TMEM232: variants seen among roughly 807,000 people sequenced by gnomAD.
TMEM232 encodes the protein transmembrane protein 232.
Under a neutral mutation model 78.8 loss-of-function variants are expected in TMEM232, and 80 were observed. The observed-to-expected ratio is 1.01, with a 90% CI of 0.85 to 1.22. The LOEUF (loss-of-function observed/expected upper bound fraction) is 1.22, where lower values mean the gene tolerates loss of function less well. Among genes scored for constraint, TMEM232 ranks in the 50% most tolerant of loss-of-function variants. TMEM232 has a pLI of 0.00. For missense variants in TMEM232, 881 were observed against 742.2 expected, an observed-to-expected ratio of 1.19 and a Z score of -2.17; for synonymous variants, 297 against 254.3, an observed-to-expected ratio of 1.17 and a Z score of -1.60.
Position 110,638,189 on chromosome 5 carries a change from A to T in TMEM232, c.501+9T>A. 1 of 1,532,142 alleles carries T rather than the reference A, an allele frequency of 6.5e-7. No homozygotes were observed. The highest frequency in any genetic ancestry group is 1.3e-5 in the South Asian group (1 of 79,900). 94.9% of individuals were successfully genotyped at this position (1,532,142 alleles called of 1,614,324 possible). ...ATTTAAAAACATTAAGAAGTTTTTC[A>T]AAACATACCTTTGCTAGCTTTATTT... On this transcript the variant is annotated intron_variant, in intron 5 of 13. Transcript: ENST00000455884.
chr5:110,534,546 G>C (rs930242950), intron 11 of TMEM232, among the ~76,000 whole-genome samples: 3 of 152,030 alleles, frequency 2.0e-5, no homozygotes, highest in Non-Finnish European at 2.9e-5. Context: ...AACTTAGACT[G>C]TGCCCCAAAA....
At chr5:110,615,075 G>A (rs1782759195) in intron 8 of TMEM232, among the ~76,000 whole-genome samples, 1 of 151,942 alleles carries the variant, frequency 6.6e-6, no homozygotes, top group South Asian at 2.1e-4. Context: ...CTGTGAGACA[G>A]AACAAATTAT....
rs566224283 is a variant in TMEM232, at chr5:110,431,480, T to G, written c.1704-6564A>C. On this transcript the variant is annotated intron_variant, in intron 12 of 13. Coordinates refer to ENST00000455884, the MANE Select transcript of TMEM232 (RefSeq NM_001039763.4). The stretch of plus-strand genomic sequence containing the variant: ...CATAGCAGAAGAAGGTGAACTGTCT[T>G]TCTGCTGTACATAGTATGAACCAGG... 5.3e-5 allele frequency among the ~76,000 whole-genome samples: 8 copies of G among 151,864 alleles called. 1 individual carries two copies. In the South Asian group the frequency reaches 1.7e-3, roughly 31 times the overall value.
chr5:110,567,824 G>A (rs1030322040), intron 11 of TMEM232, among the ~76,000 whole-genome samples: 1 of 151,900 alleles, frequency 6.6e-6, no homozygotes, highest in Non-Finnish European at 1.5e-5. Context: ...CTAGACAAGG[G>A]AGGAAATGCT....
chr5:110,440,635 A>G (rs1275687491), intron 12 of TMEM232, among the ~76,000 whole-genome samples: 2 of 152,094 alleles, frequency 1.3e-5, no homozygotes, highest in Admixed American at 1.3e-4. Context: ...TCTGAAAAAA[A>G]TTTTTGTATG....
At chr5:110,482,623 G>A (rs866603380) in intron 12 of TMEM232, among the ~76,000 whole-genome samples, 36 of 150,438 alleles carry the variant, frequency 2.4e-4, no homozygotes, top group Middle Eastern at 3.5e-3. Context: ...TTTAATTAAT[G>A]ATGAGCTTAC....
chr5:110,656,657 T>G (rs929652151), intron 2 of TMEM232, among the ~76,000 whole-genome samples: 4 of 151,858 alleles, frequency 2.6e-5, no homozygotes, highest in African/African-American at 9.7e-5. Context: ...GGCTAACAAG[T>G]GAAACCCCGT....
intron 2 of TMEM232, among the ~76,000 whole-genome samples, chr5:110,399,412 A>C (rs928025221): frequency 1.3e-5 from 2 of 152,134 alleles, no homozygotes; most frequent in African/African-American, 4.8e-5. Flanking sequence ...TTTTTAAACA[A>C]AAACTTTTAA....
At chr5:110,647,944 T>C (rs1304015538) in intron 2 of TMEM232, among the ~76,000 whole-genome samples, 1 of 152,026 alleles carries the variant, frequency 6.6e-6, no homozygotes, top group African/African-American at 2.4e-5. Flanking sequence ...ATTTTATTAC[T>C]ATAAGACTGT....
At chr5:110,432,724 G>A (rs1757996525) in intron 12 of TMEM232, among the ~76,000 whole-genome samples, 1 of 151,734 alleles carries the variant, frequency 6.6e-6, no homozygotes, top group Non-Finnish European at 1.5e-5. Flanking sequence ...TTCTTCTGCT[G>A]TCTTTAAGAG....
At chr5:110,693,052 C>T (rs1013444350) in intron 1 of TMEM232, among the ~76,000 whole-genome samples, 2 of 152,168 alleles carry the variant, frequency 1.3e-5, no homozygotes, top group African/African-American at 2.4e-5. Context: ...GGAAGCACCC[C>T]CCAGTAGGGG....
chr5:110,551,892 G>C (rs1400097729), intron 11 of TMEM232, among the ~76,000 whole-genome samples: 1 of 151,904 alleles, frequency 6.6e-6, no homozygotes, highest in African/African-American at 2.4e-5. Flanking sequence ...ATATGCATAA[G>C]TATGCATATA....
chr5:110,616,559 A>G (rs1782950903), intron 8 of TMEM232, among the ~76,000 whole-genome samples: 1 of 152,086 alleles, frequency 6.6e-6, no homozygotes, highest in African/African-American at 2.4e-5. Context: ...TACATTTGGT[A>G]AAGAGTTAAT....
At chr5:110,583,082 C>T (rs770673949) in intron 10 of TMEM232, among the ~76,000 whole-genome samples, 6 of 151,862 alleles carry the variant, frequency 4.0e-5, no homozygotes, top group South Asian at 2.1e-4. Flanking sequence ...CACTACCTAA[C>T]GTAATCTACA....
chr5:110,630,551 G>A (rs1228387659), intron 5 of TMEM232, among the ~76,000 whole-genome samples: 2 of 152,000 alleles, frequency 1.3e-5, no homozygotes, highest in Admixed American at 6.6e-5. Flanking sequence ...TGTTGTGTGC[G>A]GCACTTCCCC....
At chr5:110,606,899 G>A (rs1279245086) in intron 8 of TMEM232, among the ~76,000 whole-genome samples, 2 of 151,882 alleles carry the variant, frequency 1.3e-5, no homozygotes, top group African/African-American at 4.8e-5. Context: ...ACATATTTGT[G>A]ATACTTTTAC....
chr5:110,624,263 G>A (rs867346492), intron 7 of TMEM232, among the ~76,000 whole-genome samples: 5 of 152,074 alleles, frequency 3.3e-5, no homozygotes, highest in Middle Eastern at 3.4e-3. Context: ...TATTATTCAT[G>A]TTTGCATGGC....
chr5:110,479,471 A>C (rs573786484), intron 12 of TMEM232, among the ~76,000 whole-genome samples: 1 of 151,916 alleles, frequency 6.6e-6, no homozygotes, highest in South Asian at 2.1e-4. Context: ...CTTCTCAAAT[A>C]CAACCTCTAT....
At chr5:110,399,513 G>C in intron 2 of TMEM232, among the ~76,000 whole-genome samples, 1 of 151,798 alleles carries the variant, frequency 6.6e-6, no homozygotes, top group South Asian at 2.1e-4. Context: ...TTTTTAAAAG[G>C]CCTTCCTCTC....
Sources: gnomAD v4.1 joint callset for allele counts (sites outside exome capture counted in the v4.1 genomes callset) on GRCh38, gnomAD v4.1.1 for gene constraint, MANE v1.5 for transcripts, NCBI Gene and HGNC (gene_info 2026-07-23, HGNC 2026-07-21) for gene names.